ALG5: variants seen among roughly 807,000 people sequenced by gnomAD.
The protein encoded by ALG5 is dolichyl-phosphate beta-glucosyltransferase.
ALG5 carries 26 observed loss-of-function variants against 51.8 expected under a neutral mutation model. That is an observed-to-expected ratio of 0.50 (90% CI 0.37 to 0.70). The LOEUF (loss-of-function observed/expected upper bound fraction) is 0.70, where lower values mean the gene tolerates loss of function less well. ALG5 is among the 30% of genes least tolerant of loss of function. The pLI is 0.00. For missense variants in ALG5, 311 were observed against 399.3 expected (o/e 0.78, Z 1.88); for synonymous variants, 141 against 136.1 (o/e 1.04, Z -0.25).
intron 8 of ALG5, among the ~76,000 whole-genome samples, chr13:36,964,849 C>T (rs1054839266): frequency 8.7e-5 from 13 of 149,246 alleles, no homozygotes; most frequent in African/African-American, 1.2e-4. Flanking sequence ...CACTTGAACG[C>T]GGGAGGCGGA....
chr13:36,984,788 CTTTG>C (rs2058994844), intron 6 of ALG5, among the ~76,000 whole-genome samples: 1 of 151,982 alleles, frequency 6.6e-6, no homozygotes, highest in South Asian at 2.1e-4. Flanking sequence ...CTCTACGTGG[CTTTG>C]TTGGTTACTT....
chr13:36,965,026 T>C (rs978030681), intron 8 of ALG5, among the ~76,000 whole-genome samples: 2 of 152,242 alleles, frequency 1.3e-5, no homozygotes, highest in African/African-American at 4.8e-5. Flanking sequence ...TAAAACACTT[T>C]TTCAAGAGAA....
At chr13:36,954,499 AATT>A (rs1448185075) in intron 8 of ALG5, among the ~76,000 whole-genome samples, 2 of 152,142 alleles carry the variant, frequency 1.3e-5, no homozygotes. Context: ...CCCAAAATTA[AATT>A]ATGTCTTTCT....
At chr13:36,993,895 T>C (rs2059036905) in intron 3 of ALG5, among the ~76,000 whole-genome samples, 1 of 152,228 alleles carries the variant, frequency 6.6e-6, no homozygotes, top group Admixed American at 6.5e-5. Flanking sequence ...TCTCTCCATG[T>C]CACCTTGCTG....
At chr13:36,964,923 A>AG (rs1409259580) in intron 8 of ALG5, among the ~76,000 whole-genome samples, 2 of 151,644 alleles carry the variant, frequency 1.3e-5, no homozygotes, top group African/African-American at 4.8e-5. Flanking sequence ...GAAACTCAAA[A>AG]AAAAAAAAAA....
chr13:36,977,790 C>CAAAAAAAAAAAAA (rs869027711), intron 6 of ALG5, among the ~76,000 whole-genome samples: 1 of 39,172 alleles, frequency 2.6e-5, no homozygotes, highest in African/African-American at 1.3e-4. Flanking sequence ...AGACTGTCTC[C>CAAAAAAAAAAAAA]AAAAAAAAAA....
chr13:36,956,330 A>G (rs1414014808), intron 8 of ALG5, among the ~76,000 whole-genome samples: 2 of 152,214 alleles, frequency 1.3e-5, no homozygotes, highest in East Asian at 1.9e-4. Context: ...TGACACAACA[A>G]GCACTGGTGA....
chr13:36,956,943 C>T (rs2058842552), intron 8 of ALG5, among the ~76,000 whole-genome samples: 1 of 151,822 alleles, frequency 6.6e-6, no homozygotes, highest in Non-Finnish European at 1.5e-5. Context: ...GAAACGAAGC[C>T]CCAGTACTAA....
intron 5 of ALG5, among the ~76,000 whole-genome samples, chr13:36,988,439 C>T (rs1234850439): frequency 6.6e-6 from 1 of 152,158 alleles, no homozygotes; most frequent in Non-Finnish European, 1.5e-5. Flanking sequence ...CCAAAGAGTT[C>T]CTACTTCTGT....
intron 1 of ALG5, 52 bp from the exon 2 acceptor site, chr13:36,995,648 C>G (rs773902270): frequency 6.6e-7 from 1 of 1,520,660 alleles, no homozygotes; most frequent in South Asian, 1.2e-5. Context: ...GTTTTGCTGA[C>G]TTTTCTGTAT....
chr13:36,978,242 C>A (rs2058963419), intron 6 of ALG5, among the ~76,000 whole-genome samples: 1 of 147,114 alleles, frequency 6.8e-6, no homozygotes, highest in African/African-American at 2.5e-5. Flanking sequence ...GGCTGGAGTG[C>A]AGTGGCACAA....
intron 6 of ALG5, among the ~76,000 whole-genome samples, chr13:36,976,811 T>C (rs950720807): frequency 3.3e-5 from 5 of 152,194 alleles, no homozygotes; most frequent in Admixed American, 6.5e-5. Flanking sequence ...ATTTATTCCC[T>C]TGTTTTTCTG....
chr13:36,997,041 T>C (rs868512875), intron 1 of ALG5, among the ~76,000 whole-genome samples: 2 of 152,176 alleles, frequency 1.3e-5, no homozygotes, highest in African/African-American at 2.4e-5. Flanking sequence ...ACATCGAGTA[T>C]GTATGTGATC....
intron 9 of ALG5, among the ~76,000 whole-genome samples, chr13:36,950,887 C>G (rs576213028): frequency 1.1e-4 from 17 of 152,254 alleles, no homozygotes; most frequent in Non-Finnish European, 2.4e-4. Flanking sequence ...CACCCAGCCA[C>G]AGCAGATTCT....
chr13:36,977,755 G>A (rs571462482), intron 6 of ALG5, among the ~76,000 whole-genome samples: 6 of 108,526 alleles, frequency 5.5e-5, no homozygotes, highest in Non-Finnish European at 1.0e-4. Context: ...TCATGCTACT[G>A]CACTCTAGCC....
At chr13:36,983,177 T>A (rs2058987257) in intron 6 of ALG5, among the ~76,000 whole-genome samples, 1 of 152,184 alleles carries the variant, frequency 6.6e-6, no homozygotes, top group African/African-American at 2.4e-5. Flanking sequence ...AATCAGCTGC[T>A]AAAAATCTGA....
intron 6 of ALG5, among the ~76,000 whole-genome samples, chr13:36,973,540 C>A (rs2138803220): frequency 6.6e-6 from 1 of 152,176 alleles, no homozygotes; most frequent in African/African-American, 2.4e-5. Flanking sequence ...TGTAAATAAT[C>A]TGAAGGAAGG....
chr13:36,954,585 C>A (rs956570126), intron 8 of ALG5, among the ~76,000 whole-genome samples: 7 of 152,122 alleles, frequency 4.6e-5, no homozygotes. Context: ...ATTATAAGTG[C>A]CCAGTCTGTT....
intron 6 of ALG5, among the ~76,000 whole-genome samples, chr13:36,972,279 G>A (rs775362187): frequency 6.6e-6 from 1 of 152,042 alleles, no homozygotes; most frequent in Non-Finnish European, 1.5e-5. Flanking sequence ...GTTAAAATTC[G>A]TAACTTTAAA....
Sources: gnomAD v4.1 joint callset for allele counts (sites outside exome capture counted in the v4.1 genomes callset) on GRCh38, gnomAD v4.1.1 for gene constraint, MANE v1.5 for transcripts, NCBI Gene and HGNC (gene_info 2026-07-23, HGNC 2026-07-21) for gene names.